The following JMJD1C variants were observed in gnomAD, a reference collection of about 807,000 sequenced individuals.
JMJD1C encodes jumonji domain containing 1C.
JMJD1C carries 31 observed loss-of-function variants against 245.3 expected under a neutral mutation model. That is an observed-to-expected ratio of 0.13 (90% CI 0.09 to 0.17). The LOEUF (loss-of-function observed/expected upper bound fraction) is 0.17, where lower values mean the gene tolerates loss of function less well. Ranked by LOEUF, JMJD1C falls within the 10% of genes least tolerant of loss-of-function variation. The pLI is 1.00. For synonymous variants in JMJD1C, 1,057 were observed against 1,017.4 expected, an observed-to-expected ratio of 1.04 and a Z score of -0.74; for missense variants, 2,691 against 3,000.2, an observed-to-expected ratio of 0.90 and a Z score of 2.41.
At chr10:63,432,939 G>A (rs1177942694) in intron 1 of JMJD1C, among the ~76,000 whole-genome samples, 1 of 152,114 alleles carries the variant, frequency 6.6e-6, no homozygotes, top group Non-Finnish European at 1.5e-5. Flanking sequence ...TCCTTACACA[G>A]GAGATCTCAG....
At chr10:63,307,187 A>G in intron 2 of JMJD1C, among the ~76,000 whole-genome samples, 1 of 152,218 alleles carries the variant, frequency 6.6e-6, no homozygotes, top group East Asian at 1.9e-4. Flanking sequence ...TTTAAAAAAA[A>G]AAATCTTGCT....
chr10:63,410,140 C>T (rs1345480404), intron 1 of JMJD1C, among the ~76,000 whole-genome samples: 1 of 152,158 alleles, frequency 6.6e-6, no homozygotes, highest in East Asian at 1.9e-4. Context: ...TAACGACAAG[C>T]AGACCCTAGG....
intron 2 of JMJD1C, among the ~76,000 whole-genome samples, chr10:63,303,959 AGGAT>A: frequency 6.6e-6 from 1 of 152,250 alleles, no homozygotes; most frequent in South Asian, 2.1e-4. Context: ...AGGAATAGTA[AGGAT>A]ATCCCTGAGA....
upstream of JMJD1C, chr10:63,465,993 C>T (rs1038268736): frequency 6.7e-6 from 2 of 298,626 alleles, no homozygotes; most frequent in South Asian, 5.0e-5. Flanking sequence ...GTCTCCCTCC[C>T]CGGGCAGCGG....
At chr10:63,169,936 C>T (rs962023909) in intron 24 of JMJD1C, among the ~76,000 whole-genome samples, 2 of 152,166 alleles carry the variant, frequency 1.3e-5, no homozygotes, top group Non-Finnish European at 2.9e-5. Context: ...TCTTGTCTAA[C>T]AGATGCTTTA....
At chr10:63,445,028 A>G (rs900621670) in intron 1 of JMJD1C, among the ~76,000 whole-genome samples, 10 of 152,038 alleles carry the variant, frequency 6.6e-5, no homozygotes, top group Non-Finnish European at 1.3e-4. Context: ...GGAGTTCAAG[A>G]CCAGCCTGGG....
intron 3 of JMJD1C, among the ~76,000 whole-genome samples, chr10:63,246,492 C>T (rs1463349102): frequency 6.6e-6 from 1 of 151,968 alleles, no homozygotes; most frequent in Non-Finnish European, 1.5e-5. Flanking sequence ...TCTAGCAAAG[C>T]TATACTTCAA....
At chr10:63,489,791 C>A (rs937742036) in intron 1 of JMJD1C, among the ~76,000 whole-genome samples, 1 of 152,174 alleles carries the variant, frequency 6.6e-6, no homozygotes, top group African/African-American at 2.4e-5. Flanking sequence ...GGATTACAGG[C>A]GTGAGCCACT....
At chr10:63,255,326 CAT>C (rs1455370885) in intron 3 of JMJD1C, among the ~76,000 whole-genome samples, 1 of 152,108 alleles carries the variant, frequency 6.6e-6, no homozygotes, top group Non-Finnish European at 1.5e-5. Context: ...TAGTAGAAAA[CAT>C]AAATATTAGA....
chr10:63,175,390 T>C (rs1842787504), intron 24 of JMJD1C, among the ~76,000 whole-genome samples: 1 of 152,204 alleles, frequency 6.6e-6, no homozygotes, highest in Admixed American at 6.5e-5. Context: ...TATTATGACA[T>C]TTGTATTTTA....
chr10:63,289,274 A>G (rs1251066605), intron 2 of JMJD1C, among the ~76,000 whole-genome samples: 2 of 151,520 alleles, frequency 1.3e-5, no homozygotes, highest in Admixed American at 6.6e-5. Context: ...TCATGTAACA[A>G]GACTTTCATT....
At chr10:63,362,772 T>C (rs1298577063) in intron 2 of JMJD1C, among the ~76,000 whole-genome samples, 1 of 152,132 alleles carries the variant, frequency 6.6e-6, no homozygotes, top group Non-Finnish European at 1.5e-5. Flanking sequence ...TGAGCCATCA[T>C]GCCTGGCCTA....
At chr10:63,177,042 G>A (rs1456999860) in intron 23 of JMJD1C, 2 of 152,528 alleles carry the variant, frequency 1.3e-5, no homozygotes, top group Admixed American at 6.5e-5. Flanking sequence ...TACAAAAAAG[G>A]CTGTAACTCT....
chr10:63,393,901 C>T (rs1948270749), intron 1 of JMJD1C, among the ~76,000 whole-genome samples: 1 of 152,162 alleles, frequency 6.6e-6, no homozygotes, highest in Non-Finnish European at 1.5e-5. Flanking sequence ...CGTAAAGGTG[C>T]CACGCACAGT....
intron 2 of JMJD1C, among the ~76,000 whole-genome samples, chr10:63,305,503 A>G (rs1375660559): frequency 2.0e-4 from 22 of 108,204 alleles, no homozygotes; most frequent in Non-Finnish European, 1.0e-4. Context: ...TCTGGAGGCA[A>G]GGTCTGACCC....
intron 1 of JMJD1C, among the ~76,000 whole-genome samples, chr10:63,459,672 C>T (rs918578719): frequency 2.6e-5 from 4 of 152,240 alleles, no homozygotes; most frequent in South Asian, 4.1e-4. Context: ...AAGACTCTAA[C>T]GTCTGAACAC....
intron 1 of JMJD1C, among the ~76,000 whole-genome samples, chr10:63,407,330 A>T (rs1180790264): frequency 6.6e-6 from 1 of 152,244 alleles, no homozygotes; most frequent in Non-Finnish European, 1.5e-5. Flanking sequence ...GATTAAGTGA[A>T]AGCTGACATA....
chr10:63,432,714 CA>C (rs772202014), intron 1 of JMJD1C, among the ~76,000 whole-genome samples: 11 of 152,210 alleles, frequency 7.2e-5, no homozygotes, highest in East Asian at 5.8e-4. Flanking sequence ...TACCATGAGA[CA>C]AAAACTTGAA....
At chr10:63,490,235 C>T (rs922782835) in intron 1 of JMJD1C, among the ~76,000 whole-genome samples, 1 of 152,128 alleles carries the variant, frequency 6.6e-6, no homozygotes, top group Non-Finnish European at 1.5e-5. Flanking sequence ...TGGGAATGCA[C>T]TTTCCCAGAC....
Sources: allele counts gnomAD v4.1 joint callset (sites outside exome capture counted in the v4.1 genomes callset), GRCh38; gene constraint gnomAD v4.1.1; transcripts MANE v1.5; gene names NCBI Gene and HGNC (gene_info 2026-07-23, HGNC 2026-07-21).